R3HCC1L: variants seen among roughly 807,000 people sequenced by gnomAD.
The protein encoded by R3HCC1L is R3H domain and coiled-coil containing 1 like.
In R3HCC1L, 51 loss-of-function variants were observed where a neutral mutation model predicts 59.9. That is an observed-to-expected ratio of 0.85 (90% CI 0.68 to 1.07). R3HCC1L has a LOEUF of 1.07. Among genes scored for constraint, R3HCC1L ranks in the 50% least tolerant of loss-of-function variants. R3HCC1L has a pLI of 0.00. For missense variants in R3HCC1L, 965 were observed against 933.0 expected (o/e 1.03, Z -0.45); for synonymous variants, 322 against 315.2 (o/e 1.02, Z -0.23).
At chr10:98,196,360 C>T (rs1340160863) in intron 4 of R3HCC1L, among the ~76,000 whole-genome samples, 4 of 152,130 alleles carry the variant, frequency 2.6e-5, no homozygotes, top group East Asian at 1.9e-4. Flanking sequence ...CCAGTGTTAA[C>T]GACAACCCCA....
rs75184614 is a variant in R3HCC1L, at chr10:98,197,431, C to G, written c.-14-10670C>G. ...TTCCTCACTTTACAACATGGTCTTC[C>G]TTGTATTTTCATCTCTGCTCCATTT... is the stretch of plus-strand genomic sequence containing the variant. On this transcript the variant is annotated intron_variant, in intron 4 of 9. Coordinates refer to ENST00000298999, the MANE Select transcript of R3HCC1L (RefSeq NM_001351015.2). 1.2e-3 allele frequency among the ~76,000 whole-genome samples: 178 copies of G among 152,170 alleles called. 1 individual carries two copies. The highest frequency in any genetic ancestry group is 6.8e-3 in the Middle Eastern group (2 of 294).
intron 1 of R3HCC1L, among the ~76,000 whole-genome samples, chr10:98,153,828 A>G (rs895696947): frequency 6.6e-6 from 1 of 151,188 alleles, no homozygotes; most frequent in Non-Finnish European, 1.5e-5. Context: ...AAGAAATTCC[A>G]GAAGTAGTCA....
At chr10:98,144,732 T>C (rs1239832996) in intron 1 of R3HCC1L, among the ~76,000 whole-genome samples, 2 of 152,224 alleles carry the variant, frequency 1.3e-5, no homozygotes, top group East Asian at 3.8e-4. Flanking sequence ...AAAGAAGTCC[T>C]AGTCTGGTCT....
intron 1 of R3HCC1L, among the ~76,000 whole-genome samples, chr10:98,150,020 G>C (rs567431316): frequency 1.3e-5 from 2 of 152,174 alleles, no homozygotes; most frequent in Admixed American, 1.3e-4. Context: ...CTTTAATTGT[G>C]TATCTTCAAA....
intron 9 of R3HCC1L, among the ~76,000 whole-genome samples, chr10:98,237,282 A>G (rs1243689234): frequency 3.9e-5 from 6 of 152,252 alleles, no homozygotes; most frequent in Non-Finnish European, 8.8e-5. Context: ...TGGCAATAAC[A>G]GAACTAGATT....
intron 4 of R3HCC1L, among the ~76,000 whole-genome samples, chr10:98,195,817 G>A (rs1298682238): frequency 6.6e-6 from 1 of 152,090 alleles, no homozygotes; most frequent in South Asian, 2.1e-4. Context: ...AAAATTCATC[G>A]ATAAATATTA....
intron 5 of R3HCC1L, among the ~76,000 whole-genome samples, chr10:98,217,489 A>C (rs970730128): frequency 4.6e-5 from 7 of 151,960 alleles, no homozygotes; most frequent in Admixed American, 4.6e-4. Context: ...TATTGCTTTG[A>C]CTATTCTTTG....
intron 1 of R3HCC1L, among the ~76,000 whole-genome samples, chr10:98,146,290 GAGTA>G (rs1163230984): frequency 5.9e-5 from 9 of 152,108 alleles, no homozygotes; most frequent in Non-Finnish European, 8.8e-5. Context: ...GATCTAATAA[GAGTA>G]AGTAGGGATA....
intron 1 of R3HCC1L, among the ~76,000 whole-genome samples, chr10:98,135,720 G>T (rs979457493): frequency 6.6e-6 from 1 of 152,120 alleles, no homozygotes; most frequent in Non-Finnish European, 1.5e-5. Flanking sequence ...GGATTTTAAG[G>T]CCCACCAGAA....
intron 5 of R3HCC1L, among the ~76,000 whole-genome samples, chr10:98,216,450 G>A (rs1313662340): frequency 1.3e-5 from 2 of 152,166 alleles, no homozygotes; most frequent in Non-Finnish European, 2.9e-5. Flanking sequence ...GGAGGCAGAC[G>A]CTGCAGTGAG....
chr10:98,153,570 C>A (rs1846497835), intron 1 of R3HCC1L, among the ~76,000 whole-genome samples: 1 of 146,318 alleles, frequency 6.8e-6, no homozygotes, highest in African/African-American at 2.5e-5. Flanking sequence ...ATGACCCTGC[C>A]AAATCCCCCT....
At position 98,218,607 on chromosome 10, in the gene R3HCC1L, C is replaced by T. The variant is rs77205918; in HGVS notation, c.1785+8708C>T. On this transcript the variant is annotated intron_variant, in intron 5 of 9. Transcript: ENST00000298999. ...GTTTGTTCTTGCTTTTCTAATTCTT[C>T]GAGGTGCTTCATTAGGTTGTGCTGA... 3.9e-3 allele frequency among the ~76,000 whole-genome samples: 591 copies of T among 152,176 alleles called. 5 individuals are homozygous for T. Among genetic ancestry groups the T allele is most frequent in the African/African-American group, 0.013 (529 of 41,514 alleles).
chr10:98,150,975 G>A (rs11189493), intron 1 of R3HCC1L, among the ~76,000 whole-genome samples: 3 of 152,088 alleles, frequency 2.0e-5, no homozygotes, highest in Admixed American at 6.5e-5. Context: ...ATTGTGAGTC[G>A]GGGGGAAATT....
In R3HCC1L at chr10:98,221,298, G is replaced by A. The variant is rs1366256311; in HGVS notation, c.1786-10214G>A. 3.3e-5 allele frequency among the ~76,000 whole-genome samples: 5 copies of A among 151,388 alleles called. No homozygotes were observed. The East Asian group carries it at 9.7e-4, about 29-fold the overall frequency. On this transcript the variant is annotated intron_variant, in intron 5 of 9. Coordinates refer to ENST00000298999, the MANE Select transcript of R3HCC1L (RefSeq NM_001351015.2). The stretch of plus-strand genomic sequence containing the variant: ...ATATTAGCCCTTTGTCAGATGAGGA[G>A]GTTGCGAAAATTTTCTCCCATTTTG...
chr10:98,240,662 T>A (rs1164645919), intron 9 of R3HCC1L, among the ~76,000 whole-genome samples: 1 of 152,256 alleles, frequency 6.6e-6, no homozygotes, highest in East Asian at 1.9e-4. Flanking sequence ...AGTTCATACC[T>A]TCTGAAAACC....
intron 5 of R3HCC1L, among the ~76,000 whole-genome samples, chr10:98,227,570 G>A (rs1337442220): frequency 1.3e-5 from 1 of 76,150 alleles, no homozygotes; most frequent in Admixed American, 2.0e-4. Flanking sequence ...GTCATCAGCA[G>A]TGTGTGTTTT....
Position 98,207,727 on chromosome 10 carries a change from G to A in R3HCC1L, c.-14-374G>A, listed in dbSNP as rs546651233. 1.5e-4 allele frequency among the ~76,000 whole-genome samples: 23 copies of A among 151,862 alleles called. No individual in the cohort carries two copies. The East Asian group carries it at 2.1e-3, about 14-fold the overall frequency. The stretch of plus-strand genomic sequence containing the variant: ...AAAATTAAAGAAAAAAAAAAAGGCC[G>A]GGCACAGTGGTTCATGCCTGTCATC... On this transcript the variant is annotated intron_variant, in intron 4 of 9. Coordinates refer to ENST00000298999, the MANE Select transcript of R3HCC1L (RefSeq NM_001351015.2).
intron 1 of R3HCC1L, among the ~76,000 whole-genome samples, chr10:98,152,562 C>T (rs1458338960): frequency 2.4e-5 from 3 of 125,848 alleles, no homozygotes; most frequent in Non-Finnish European, 3.6e-5. Flanking sequence ...TCTTCCCGGC[C>T]GCCATCCCGT....
intron 4 of R3HCC1L, among the ~76,000 whole-genome samples, chr10:98,187,846 C>T (rs180734472): frequency 6.6e-6 from 1 of 150,920 alleles, no homozygotes; most frequent in Non-Finnish European, 1.5e-5. Flanking sequence ...AGGTGATCCT[C>T]CTACCTCAGC....
Sources: allele counts gnomAD v4.1 joint callset (sites outside exome capture counted in the v4.1 genomes callset), GRCh38; gene constraint gnomAD v4.1.1; transcripts MANE v1.5; gene names NCBI Gene and HGNC (gene_info 2026-07-23, HGNC 2026-07-21).